Variants in CALD1 observed in about 807,000 individuals in gnomAD.
CALD1 encodes caldesmon.
A neutral mutation model predicts 99.9 loss-of-function variants in CALD1; 33 were observed. The observed-to-expected ratio is 0.33, with a 90% CI of 0.25 to 0.44. CALD1 has a LOEUF of 0.44. Ranked by LOEUF, CALD1 falls within the 20% of genes least tolerant of loss-of-function variation. The pLI, the probability that CALD1 is intolerant of heterozygous loss-of-function variation, is 1.00. For synonymous variants in CALD1, 310 were observed against 325.0 expected, an observed-to-expected ratio of 0.95 and a Z score of 0.50; for missense variants, 861 against 962.1, an observed-to-expected ratio of 0.89 and a Z score of 1.39.
At chr7:134,934,552 G>C (rs367577642) in intron 5 of CALD1, among the ~76,000 whole-genome samples, 1 of 152,108 alleles carries the variant, frequency 6.6e-6, no homozygotes, top group Admixed American at 6.5e-5. Context: ...GGGTGGGAAA[G>C]AGACATGAAG....
intron 1 of CALD1, among the ~76,000 whole-genome samples, chr7:134,822,271 A>G (rs1344468167): frequency 1.3e-5 from 2 of 152,058 alleles, no homozygotes; most frequent in Admixed American, 6.6e-5. Context: ...ACTGCTGGCT[A>G]TCTTTTATTT....
At chr7:134,904,324 T>G (rs1249872804) in intron 3 of CALD1, among the ~76,000 whole-genome samples, 1 of 151,920 alleles carries the variant, frequency 6.6e-6, no homozygotes, top group African/African-American at 2.4e-5. Context: ...CTCACACCTG[T>G]AATCCCAACA....
intron 1 of CALD1, among the ~76,000 whole-genome samples, chr7:134,793,343 C>T (rs1229680110): frequency 6.6e-6 from 1 of 152,208 alleles, no homozygotes; most frequent in Admixed American, 6.5e-5. Flanking sequence ...TCATTTGTCT[C>T]TTGTCTTTAT....
At chr7:134,746,530 G>C (rs1268461747) in intron 1 of CALD1, among the ~76,000 whole-genome samples, 1 of 152,200 alleles carries the variant, frequency 6.6e-6, no homozygotes, top group Non-Finnish European at 1.5e-5. Context: ...CTTTGGAACT[G>C]GATAATGAGT....
In CALD1 at chr7:134,816,150, A is replaced by T. The variant is rs1798553634; in HGVS notation, c.-129-27734A>T. ...CAGCTTTAAAATTTTATTTTTCTGGAATCATGCAAGAGTTTGTTATGCACA... is the reference window on the plus strand; with the variant it reads ...CAGCTTTAAAATTTTATTTTTCTGGTATCATGCAAGAGTTTGTTATGCACA... On this transcript the variant is annotated intron_variant, in intron 1 of 14. Coordinates refer to ENST00000361675, the MANE Select transcript of CALD1 (RefSeq NM_033138.4). Among the ~76,000 whole-genome samples, 3 of 152,198 alleles carry T rather than the reference A, an allele frequency of 2.0e-5. No homozygotes were observed. The South Asian group carries it at 6.2e-4, about 31-fold the overall frequency.
intron 1 of CALD1, among the ~76,000 whole-genome samples, chr7:134,748,496 G>C (rs1041570670): frequency 1.3e-5 from 2 of 152,162 alleles, no homozygotes; most frequent in Admixed American, 1.3e-4. Context: ...GATCACCTGA[G>C]GTCAGGAGTT....
intron 4 of CALD1, among the ~76,000 whole-genome samples, chr7:134,930,859 A>T (rs570719258): frequency 2.3e-3 from 343 of 152,352 alleles, no homozygotes; most frequent in Non-Finnish European, 4.0e-3. Flanking sequence ...AGGGCAACGT[A>T]GTCATTCACT....
intron 3 of CALD1, among the ~76,000 whole-genome samples, chr7:134,897,566 C>T (rs1446612184): frequency 2.0e-5 from 3 of 152,088 alleles, no homozygotes; most frequent in Admixed American, 1.3e-4. Flanking sequence ...AACCACTGAA[C>T]ATATCACATG....
intron 1 of CALD1, among the ~76,000 whole-genome samples, chr7:134,761,920 AG>A (rs1796782039): frequency 6.6e-6 from 1 of 152,198 alleles, no homozygotes; most frequent in African/African-American, 2.4e-5. Flanking sequence ...CCATCTTAAA[AG>A]GGTAGTATTT....
intron 3 of CALD1, among the ~76,000 whole-genome samples, chr7:134,886,627 G>C (rs1022636870): frequency 6.6e-6 from 1 of 152,176 alleles, no homozygotes; most frequent in African/African-American, 2.4e-5. Context: ...AGGCATTGGC[G>C]TCTAGCCTAG....
In CALD1 at chr7:134,921,907, G is replaced by A. The variant is rs568629397; in HGVS notation, c.72-6847G>A. Among the ~76,000 whole-genome samples the A allele has an allele frequency of 1.2e-4, 19 of 152,202 alleles. No homozygotes were observed. In the South Asian group the frequency reaches 2.1e-3, roughly 17 times the overall value. On this transcript the variant is annotated intron_variant, in intron 3 of 14. Transcript: ENST00000361675. Reference sequence around the variant, plus strand: ...TCTACCCTAAAGAAATACTTGCATCGTGCAATAGGGGAAAAAATGAAAGAA... The same window carrying A: ...TCTACCCTAAAGAAATACTTGCATCATGCAATAGGGGAAAAAATGAAAGAA...
intron 3 of CALD1, among the ~76,000 whole-genome samples, chr7:134,915,999 C>T (rs537908175): frequency 1.3e-5 from 2 of 152,280 alleles, no homozygotes; most frequent in African/African-American, 4.8e-5. Flanking sequence ...TGGTTGACTG[C>T]CAAGTCCCCT....
intron 1 of CALD1, among the ~76,000 whole-genome samples, chr7:134,814,255 C>A (rs1798471798): frequency 6.6e-6 from 1 of 152,122 alleles, no homozygotes; most frequent in Admixed American, 6.5e-5. Flanking sequence ...CATGAAGTTG[C>A]AGGGAACATT....
chr7:134,785,687 A>G (rs1006809392), intron 1 of CALD1, among the ~76,000 whole-genome samples: 6 of 152,234 alleles, frequency 3.9e-5, no homozygotes, highest in African/African-American at 7.2e-5. Flanking sequence ...GCATGGATAC[A>G]TATGCATTCT....
chr7:134,882,607 C>A (rs1418847412), intron 3 of CALD1, among the ~76,000 whole-genome samples: 1 of 152,170 alleles, frequency 6.6e-6, no homozygotes, highest in African/African-American at 2.4e-5. Flanking sequence ...TCAAAAATTT[C>A]TCTAATGAAG....
At position 134,877,702 on chromosome 7, in the gene CALD1, G is replaced by A. The variant is rs560506131; in HGVS notation, c.71+9898G>A. 9.2e-5 allele frequency among the ~76,000 whole-genome samples: 14 copies of A among 152,218 alleles called. No homozygotes were observed. In the South Asian group the frequency reaches 2.9e-3, roughly 32 times the overall value. On this transcript the variant is annotated intron_variant, in intron 3 of 14. Transcript: ENST00000361675. Reference sequence around the variant, plus strand: ...TATTCCCCTGCTGATACTGAGGGATGACTATATTTAAAATACTCTTTTTGC... The same window carrying A: ...TATTCCCCTGCTGATACTGAGGGATAACTATATTTAAAATACTCTTTTTGC...
At chr7:134,934,967 A>C (rs1805844867) in intron 5 of CALD1, among the ~76,000 whole-genome samples, 1 of 152,164 alleles carries the variant, frequency 6.6e-6, no homozygotes, top group Non-Finnish European at 1.5e-5. Context: ...AACTGGTTGG[A>C]AACTTTCCTT....
At chr7:134,861,654 G>T (rs2347900) in intron 2 of CALD1, among the ~76,000 whole-genome samples, 100,176 of 151,976 alleles carry the variant, frequency 0.66, 33,480 homozygotes, top group East Asian at 0.94. Context: ...CCCCAGTGTC[G>T]AGAACAGTAC....
At chr7:134,916,587 T>C (rs1218069910) in intron 3 of CALD1, among the ~76,000 whole-genome samples, 2 of 152,248 alleles carry the variant, frequency 1.3e-5, no homozygotes, top group Admixed American at 6.5e-5. Context: ...ACAAGATATG[T>C]GACTTGATTT....
Sources: allele counts gnomAD v4.1 joint callset (sites outside exome capture counted in the v4.1 genomes callset), GRCh38; gene constraint gnomAD v4.1.1; transcripts MANE v1.5; gene names NCBI Gene and HGNC (gene_info 2026-07-23, HGNC 2026-07-21).